MSI2: variants seen among roughly 807,000 people sequenced by gnomAD.
The protein encoded by MSI2 is RNA-binding protein Musashi homolog 2.
Under a neutral mutation model 45.6 loss-of-function variants are expected in MSI2, and 17 were observed. That is an observed-to-expected ratio of 0.37 (90% CI 0.26 to 0.56). The LOEUF is 0.56. Ranked by LOEUF, MSI2 falls within the 20% of genes least tolerant of loss-of-function variation. MSI2 has a pLI of 0.77. For synonymous variants in MSI2, 156 were observed against 158.2 expected, an observed-to-expected ratio of 0.99 and a Z score of 0.11; for missense variants, 293 against 444.2, an observed-to-expected ratio of 0.66 and a Z score of 3.06.
chr17:57,578,394 G>A (rs755637979), intron 7 of MSI2, among the ~76,000 whole-genome samples: 1 of 152,218 alleles, frequency 6.6e-6, no homozygotes, highest in African/African-American at 2.4e-5. Flanking sequence ...CAGCCACCCC[G>A]CAGAACAAGG....
intron 12 of MSI2, among the ~76,000 whole-genome samples, chr17:57,675,619 A>G (rs1913175290): frequency 6.6e-6 from 1 of 152,184 alleles, no homozygotes; most frequent in African/African-American, 2.4e-5. Context: ...CCAGAGTAGC[A>G]GCCTTAGTCA....
chr17:57,358,450 C>T (rs896722543), intron 5 of MSI2, among the ~76,000 whole-genome samples: 2 of 152,100 alleles, frequency 1.3e-5, no homozygotes, highest in Admixed American at 1.3e-4. Context: ...GCAAAGGCAT[C>T]TTATGGACTA....
intron 7 of MSI2, among the ~76,000 whole-genome samples, chr17:57,554,405 G>A (rs771343609): frequency 1.3e-5 from 2 of 152,142 alleles, no homozygotes; most frequent in Non-Finnish European, 2.9e-5. Flanking sequence ...AGCATCTGCC[G>A]CCAGTTGCTC....
At chr17:57,653,481 C>A (rs568871848) in intron 11 of MSI2, among the ~76,000 whole-genome samples, 71 of 152,254 alleles carry the variant, frequency 4.7e-4, no homozygotes, top group African/African-American at 1.3e-3. Context: ...GTCCCTCAGT[C>A]CCCCCAGCCC....
chr17:57,632,889 G>A (rs749840180), intron 10 of MSI2: 64 of 1,061,902 alleles, frequency 6.0e-5, no homozygotes, highest in Non-Finnish European at 7.1e-5. Flanking sequence ...TCTCATTAAA[G>A]ATGCTTGATG....
At chr17:57,654,870 C>T (rs929700062) in intron 11 of MSI2, among the ~76,000 whole-genome samples, 2 of 151,166 alleles carry the variant, frequency 1.3e-5, no homozygotes, top group Admixed American at 6.6e-5. Flanking sequence ...ATCCTATGGA[C>T]GGCCCTTTTT....
chr17:57,293,603 T>TTTG (rs770720169), intron 5 of MSI2, among the ~76,000 whole-genome samples: 52 of 147,724 alleles, frequency 3.5e-4, no homozygotes, highest in South Asian at 1.1e-3. Flanking sequence ...TTGTTTTTTT[T>TTTG]TTTGTTTTTT....
intron 7 of MSI2, among the ~76,000 whole-genome samples, chr17:57,565,187 T>G (rs2087698316): frequency 6.6e-6 from 1 of 152,216 alleles, no homozygotes; most frequent in Non-Finnish European, 1.5e-5. Context: ...AGGATTTTTT[T>G]GTACAATCCA....
intron 10 of MSI2, among the ~76,000 whole-genome samples, chr17:57,645,018 C>T (rs930667035): frequency 6.6e-6 from 1 of 152,170 alleles, no homozygotes; most frequent in Non-Finnish European, 1.5e-5. Context: ...GAAAAGGGTT[C>T]ATGACGTAAT....
chr17:57,328,802 G>A (rs1914032629), intron 5 of MSI2, among the ~76,000 whole-genome samples: 1 of 151,834 alleles, frequency 6.6e-6, no homozygotes, highest in Admixed American at 6.6e-5. Context: ...TGGAATAGGT[G>A]GGTTAAAGTT....
At chr17:57,531,520 T>C (rs1246269144) in intron 7 of MSI2, among the ~76,000 whole-genome samples, 1 of 152,206 alleles carries the variant, frequency 6.6e-6, no homozygotes, top group African/African-American at 2.4e-5. Flanking sequence ...GGGAATGCAT[T>C]TGTTAAAAAG....
intron 7 of MSI2, among the ~76,000 whole-genome samples, chr17:57,547,860 G>C (rs1295570149): frequency 1.3e-5 from 2 of 151,994 alleles, no homozygotes; most frequent in Admixed American, 6.6e-5. Flanking sequence ...GATTGTTTCA[G>C]GGGAACTCTG....
chr17:57,321,959 G>T (rs959069003), intron 5 of MSI2, among the ~76,000 whole-genome samples: 3 of 152,076 alleles, frequency 2.0e-5, no homozygotes, highest in African/African-American at 7.2e-5. Context: ...ACCATGCCCG[G>T]CTAGTTTTTG....
intron 5 of MSI2, among the ~76,000 whole-genome samples, chr17:57,289,324 T>C (rs1319522106): frequency 6.6e-6 from 1 of 152,192 alleles, no homozygotes; most frequent in African/African-American, 2.4e-5. Context: ...GACTCTGCAC[T>C]CCTGGGCTCT....
chr17:57,395,621 C>A (rs2083874916), intron 5 of MSI2, among the ~76,000 whole-genome samples: 1 of 151,982 alleles, frequency 6.6e-6, no homozygotes, highest in South Asian at 2.1e-4. Context: ...AATGAAACAC[C>A]TTGGGGAATG....
At chr17:57,677,166 T>C in intron 13 of MSI2, 107 bp downstream of exon 13, 1 of 767,344 alleles carries the variant, frequency 1.3e-6, no homozygotes, top group Non-Finnish European at 2.3e-6. Flanking sequence ...CATCCACATC[T>C]CTCTCTCCTC....
intron 6 of MSI2, among the ~76,000 whole-genome samples, chr17:57,437,254 A>G (rs929993534): frequency 4.6e-5 from 7 of 152,128 alleles, no homozygotes. Flanking sequence ...TGTTGTAGCT[A>G]TTTTTGTAAG....
chr17:57,490,124 C>T (rs963095054), intron 6 of MSI2, among the ~76,000 whole-genome samples: 1 of 152,170 alleles, frequency 6.6e-6, no homozygotes, highest in Non-Finnish European at 1.5e-5. Context: ...CCTGAATTTC[C>T]TCATCTATAA....
intron 5 of MSI2, among the ~76,000 whole-genome samples, chr17:57,326,195 G>T (rs1044562472): frequency 2.0e-5 from 3 of 151,908 alleles, no homozygotes; most frequent in Admixed American, 6.6e-5. Flanking sequence ...CCCAAATTTT[G>T]AAAGCCAAAC....
Sources: allele counts gnomAD v4.1 joint callset (sites outside exome capture counted in the v4.1 genomes callset), GRCh38; gene constraint gnomAD v4.1.1; transcripts MANE v1.5; gene names NCBI Gene and HGNC (gene_info 2026-07-23, HGNC 2026-07-21).